Variants in CSMD1 observed in about 807,000 individuals in gnomAD.
CSMD1 encodes the protein CUB and Sushi multiple domains 1.
Under a neutral mutation model 417.5 loss-of-function variants are expected in CSMD1, and 213 were observed. The observed-to-expected ratio is 0.51, with a 90% CI of 0.46 to 0.57. The LOEUF is 0.57. CSMD1 is among the 20% of genes least tolerant of loss of function. The pLI is 0.00. For missense variants in CSMD1, 6,923 were observed against 4,529.7 expected, an observed-to-expected ratio of 1.53 and a Z score of -15.17; for synonymous variants, 2,862 against 1,736.8, an observed-to-expected ratio of 1.65 and a Z score of -16.11.
chr8:3,468,573 A>T, intron 12 of CSMD1, 139 bp downstream of exon 12: 1 of 590,090 alleles, frequency 1.7e-6, no homozygotes, highest in Non-Finnish European at 3.0e-6. Flanking sequence ...AGTAGACTTT[A>T]AGGAAGTTCC....
At chr8:3,607,473 T>C (rs1801675175) in intron 8 of CSMD1, among the ~76,000 whole-genome samples, 1 of 152,230 alleles carries the variant, frequency 6.6e-6, no homozygotes. Context: ...ATTCTCATTA[T>C]CAAGTATGTG....
chr8:4,297,373 C>T (rs1341555223), intron 3 of CSMD1, among the ~76,000 whole-genome samples: 1 of 151,954 alleles, frequency 6.6e-6, no homozygotes. Context: ...AAGATGCAGA[C>T]GTTCAGCGTA....
At chr8:3,313,682 C>G (rs5771603) in intron 23 of CSMD1, among the ~76,000 whole-genome samples, 49 of 152,236 alleles carry the variant, frequency 3.2e-4, no homozygotes, top group African/African-American at 1.1e-3. Flanking sequence ...GGACTGTAAA[C>G]GAGTTCAACC....
At chr8:4,444,748 A>T (rs1363655671) in intron 2 of CSMD1, among the ~76,000 whole-genome samples, 1 of 152,198 alleles carries the variant, frequency 6.6e-6, no homozygotes, top group East Asian at 1.9e-4. Context: ...AATGATATGA[A>T]TATGTCTACC....
intron 1 of CSMD1, among the ~76,000 whole-genome samples, chr8:4,991,140 A>T (rs1434030006): frequency 2.6e-5 from 4 of 152,200 alleles, no homozygotes; most frequent in African/African-American, 7.2e-5. Flanking sequence ...AACTTCTTCC[A>T]AACAGCCAGT....
At chr8:4,440,253 G>A (rs958505058) in intron 2 of CSMD1, among the ~76,000 whole-genome samples, 6 of 152,106 alleles carry the variant, frequency 3.9e-5, no homozygotes, top group African/African-American at 1.4e-4. Context: ...TATACATATT[G>A]TATATATTTA....
chr8:3,869,750 C>T (rs569693911), intron 5 of CSMD1, among the ~76,000 whole-genome samples: 25 of 152,092 alleles, frequency 1.6e-4, no homozygotes, highest in Non-Finnish European at 2.8e-4. Context: ...GAAGCACTAG[C>T]AGGCAACACG....
intron 1 of CSMD1, among the ~76,000 whole-genome samples, chr8:4,871,559 T>C (rs963146414): frequency 5.9e-5 from 9 of 152,134 alleles, no homozygotes; most frequent in African/African-American, 2.2e-4. Context: ...TTTTTATGTT[T>C]TGCTTTTATT....
chr8:4,189,204 CAT>C (rs1306531129), intron 3 of CSMD1, among the ~76,000 whole-genome samples: 1 of 152,228 alleles, frequency 6.6e-6, no homozygotes, highest in Non-Finnish European at 1.5e-5. Context: ...TATGCAAACT[CAT>C]GTGTGTTTAT....
At chr8:3,896,817 G>A (rs1043756769) in intron 5 of CSMD1, among the ~76,000 whole-genome samples, 3 of 151,900 alleles carry the variant, frequency 2.0e-5, no homozygotes, top group Admixed American at 6.6e-5. Flanking sequence ...GTCTGATTGT[G>A]ACATCAAGTT....
intron 5 of CSMD1, among the ~76,000 whole-genome samples, chr8:3,809,414 G>C (rs151193683): frequency 5.8e-4 from 89 of 152,300 alleles, no homozygotes; most frequent in African/African-American, 1.7e-3. Context: ...GTAAACCTTT[G>C]TTTCCTTCTC....
chr8:3,617,032 T>C (rs1256880997), intron 7 of CSMD1, among the ~76,000 whole-genome samples: 1 of 152,184 alleles, frequency 6.6e-6, no homozygotes, highest in Admixed American at 6.6e-5. Context: ...TTCTCTCATT[T>C]TTAAGATGTC....
intron 3 of CSMD1, among the ~76,000 whole-genome samples, chr8:4,045,779 T>C (rs868522725): frequency 6.6e-6 from 1 of 152,192 alleles, no homozygotes; most frequent in Non-Finnish European, 1.5e-5. Context: ...TTACACACTT[T>C]AAAGCTATTT....
rs535594724 is a variant in CSMD1 at position 4,382,651 on chromosome 8, G to C, written c.415+37302C>G. Among the ~76,000 whole-genome samples, 20 of 152,306 alleles carry C rather than the reference G, an allele frequency of 1.3e-4. No individual in the cohort carries two copies. In the South Asian group the frequency reaches 3.9e-3, roughly 30 times the overall value. On this transcript the variant is annotated intron_variant, in intron 3 of 69. Coordinates refer to ENST00000635120, the MANE Select transcript of CSMD1 (RefSeq NM_033225.6). ...ATTGCATCTAAGTTTAGGAAAACAA[G>C]TCTTCACATCAGGTCTTAGCATAAA...
At chr8:3,523,808 T>TAC (rs898073815) in intron 10 of CSMD1, among the ~76,000 whole-genome samples, 1 of 118,206 alleles carries the variant, frequency 8.5e-6, no homozygotes, top group Non-Finnish European at 1.7e-5. Flanking sequence ...CATGTGCACA[T>TAC]ACACACACGC....
intron 47 of CSMD1, 64 bp from the exon 48 acceptor site, chr8:3,091,726 G>C (rs546244693): frequency 6.8e-7 from 1 of 1,471,644 alleles, no homozygotes; most frequent in African/African-American, 1.4e-5. Flanking sequence ...TGCATACTAG[G>C]TTTAGCTTTT....
intron 12 of CSMD1, among the ~76,000 whole-genome samples, chr8:3,412,877 T>C (rs1002581480): frequency 6.6e-6 from 1 of 152,198 alleles, no homozygotes; most frequent in Admixed American, 6.5e-5. Context: ...AAACGCTGCA[T>C]GGTTTATAAT....
chr8:4,647,773 C>G (rs1004057816), intron 1 of CSMD1, among the ~76,000 whole-genome samples: 2 of 152,188 alleles, frequency 1.3e-5, no homozygotes, highest in African/African-American at 2.4e-5. Context: ...GCATAGTATT[C>G]CATGGTGTGT....
intron 3 of CSMD1, among the ~76,000 whole-genome samples, chr8:4,106,632 A>T (rs1005766093): frequency 6.6e-6 from 1 of 152,238 alleles, no homozygotes; most frequent in African/African-American, 2.4e-5. Context: ...ATATATCCAA[A>T]ATGTGATGTT....
Sources: gnomAD v4.1 joint callset for allele counts (sites outside exome capture counted in the v4.1 genomes callset) on GRCh38, gnomAD v4.1.1 for gene constraint, MANE v1.5 for transcripts, NCBI Gene and HGNC (gene_info 2026-07-23, HGNC 2026-07-21) for gene names.